CAD: variants seen among roughly 807,000 people sequenced by gnomAD.
CAD encodes multifunctional protein CAD.
Under a neutral mutation model 237.2 loss-of-function variants are expected in CAD, and 81 were observed. The observed-to-expected ratio is 0.34, with a 90% CI of 0.29 to 0.41. The LOEUF (loss-of-function observed/expected upper bound fraction) is 0.41, where lower values mean the gene tolerates loss of function less well. Ranked by LOEUF, CAD falls within the 10% of genes least tolerant of loss-of-function variation. The pLI, the probability that CAD is intolerant of heterozygous loss-of-function variation, is 1.00. For synonymous variants in CAD, 1,196 were observed against 1,162.8 expected, an observed-to-expected ratio of 1.03 and a Z score of -0.58; for missense variants, 2,181 against 2,951.7, an observed-to-expected ratio of 0.74 and a Z score of 6.05.
At chr2:27,231,601 G>A (rs759653218) in intron 16 of CAD, 21 bp downstream of exon 16, 1 of 1,439,804 alleles carries the variant, frequency 6.9e-7, no homozygotes, top group Non-Finnish European at 9.8e-7. Context: ...CCCCTCCCCT[G>A]GCAATACCCC....
chr2:27,239,994 A>C lies in CAD; in HGVS notation c.5496+196A>C. The C allele has an allele frequency of 1.7e-6, 1 of 594,352 alleles. No homozygotes were observed. The highest frequency in any genetic ancestry group is 2.9e-5 in the East Asian group (1 of 34,588). 36.8% of individuals were successfully genotyped at this position (594,352 alleles called of 1,614,324 possible). ...GGTGGCTCACACTTGTAATCCCAGC[A>C]CTTTGGGAGGCCAAGGCAGGCGGAT... On this transcript the variant is annotated intron_variant, in intron 34 of 43. Transcript: ENST00000264705. The surrounding 1 kb of genome is among the most constrained non-coding windows in gnomAD (Gnocchi z 4.0).
chr2:27,239,048 A>G lies in CAD; in HGVS notation c.5069A>G (p.His1690Arg). ...IDCFASDHAP[H>R]TLEEKCGSRP... is the part of the protein sequence containing the mutation. ...ATGGCTTTCTTTCTCCCAGCTCCCCATACCTTGGAGGAGAAGTGTGGGTCC... is the reference window on the plus strand; with the variant it reads ...ATGGCTTTCTTTCTCCCAGCTCCCCGTACCTTGGAGGAGAAGTGTGGGTCC... Residue 1690 changes from histidine (H) to arginine (R), a missense_variant, in exon 32 of 44, where the codon CAT becomes CGT. Physicochemically the swap from His to Arg is conservative, Grantham distance 29 (BLOSUM62 0). Around this residue, in one of 12 missense-constraint regions of CAD, gnomAD observed 478 missense variants for 515.0 expected, o/e 0.93. Transcript: ENST00000264705. The surrounding 1 kb of genome is among the most constrained non-coding windows in gnomAD (Gnocchi z 4.0). 1 of 1,556,034 alleles carries G rather than the reference A, an allele frequency of 6.4e-7. No individual in the cohort carries two copies. The highest frequency in any genetic ancestry group is 2.2e-5 in the East Asian group (1 of 44,518).
Position 27,239,926 on chromosome 2 carries a change from T to C in CAD, c.5496+128T>C. On this transcript the variant is annotated intron_variant, in intron 34 of 43. Transcript: ENST00000264705. This position sits in a 1 kb window ranked among gnomAD's most constrained non-coding sequence, Gnocchi z 4.0. ...TTGAGGGACTGAATTTGAAGTGGGG[T>C]TGGGTCAATTATTTTTTTAAAATGC... 1 of 687,374 alleles carries C rather than the reference T, an allele frequency of 1.5e-6. No homozygotes were observed. Among genetic ancestry groups the C allele is most frequent in the Non-Finnish European group, 2.4e-6 (1 of 422,732 alleles). The allele number at this position is 687,374 out of a possible 1,614,324, so 42.6% of individuals were successfully genotyped here. A position where few individuals can be genotyped will look rare whatever the true frequency, so the allele number is the denominator to read the frequency against.
rs528412757 is a variant in CAD at position 27,242,976 on chromosome 2, G to A, written c.6480+3G>A. 27 of 1,592,260 alleles carry A rather than the reference G, an allele frequency of 1.7e-5. No individual in the cohort carries two copies. In the East Asian group the frequency reaches 5.6e-4, roughly 33 times the overall value. On this transcript the variant is annotated splice_donor_region_variant and intron_variant, in intron 42 of 43. Coordinates refer to ENST00000264705, the MANE Select transcript of CAD (RefSeq NM_004341.5). This position sits in a 1 kb window ranked among gnomAD's most constrained non-coding sequence, Gnocchi z 6.4. The stretch of plus-strand genomic sequence containing the variant: ...GCTCTACCCAGGAGTACGAAGCTGT[G>A]AGTGCTGGGCTTGAGGAAGAAGCCA...
chr2:27,232,324 C>A lies in CAD; in HGVS notation c.2645+100C>A. The A allele has an allele frequency of 6.3e-7, 1 of 1,575,410 alleles. No homozygotes were observed. The highest frequency in any genetic ancestry group is 8.6e-7 in the Non-Finnish European group (1 of 1,160,618). On this transcript the variant is annotated intron_variant, in intron 17 of 43. Transcript: ENST00000264705. This position sits in a 1 kb window ranked among gnomAD's most constrained non-coding sequence, Gnocchi z 4.1. ...AGGGAGGAAGGAGAGTGTGGGAGAG[C>A]TTTAGAGGCTTCTGACCTTGGTTCC...
intron 8 of CAD, 151 bp downstream of exon 8, chr2:27,224,180 G>A: frequency 1.1e-6 from 1 of 914,086 alleles, no homozygotes; most frequent in African/African-American, 1.7e-5. Flanking sequence ...TACCGTTTAA[G>A]CTTCTGTTGA....
At chr2:27,226,086 C>T in intron 12 of CAD, 45 bp from the exon 13 acceptor site, 3 of 1,587,970 alleles carry the variant, frequency 1.9e-6, no homozygotes, top group African/African-American at 1.3e-5. Flanking sequence ...TTCTGCCTCT[C>T]CTGACTCTGC....
At position 27,243,853 on chromosome 2, in the gene CAD, C is replaced by T; in HGVS notation, c.*335C>T. The T allele has an allele frequency of 3.7e-6, 1 of 270,412 alleles. No homozygotes were observed. Among genetic ancestry groups the T allele is most frequent in the Non-Finnish European group, 7.1e-6 (1 of 141,316 alleles). The allele number at this position is 270,412 out of a possible 1,614,324, so 16.8% of individuals were successfully genotyped here. ...GCAGATTCCCAAATTATAAGAGCAG[C>T]CTCACCAGGCAGGGCTCTGGCTAGG... On this transcript the variant is annotated 3_prime_UTR_variant, in exon 44 of 44. Coordinates refer to ENST00000264705, the MANE Select transcript of CAD (RefSeq NM_004341.5).
At chr2:27,218,667 A>C (rs1674997907) in intron 2 of CAD, among the ~76,000 whole-genome samples, 1 of 151,374 alleles carries the variant, frequency 6.6e-6, no homozygotes, top group Non-Finnish European at 1.5e-5. Context: ...CCTCTAGGTG[A>C]GAAAACTGAG....
intron 3 of CAD, among the ~76,000 whole-genome samples, chr2:27,221,563 G>T (rs1206887040): frequency 6.6e-6 from 1 of 152,006 alleles, no homozygotes; most frequent in Non-Finnish European, 1.5e-5. Context: ...TCAGCTTAGG[G>T]CTAATCTTAT....
rs1676116607 is a variant in CAD at position 27,238,179 on chromosome 2, A to G, written c.4852A>G (p.Lys1618Glu). ...RSVHICHVAR[K>E]EEILLIKAAK... is the part of the protein sequence containing the mutation. ...AGTGCACATATGTCACGTGGCACGG[A>G]AGGAGGAGGTAAGAGTACACCTGAG... Residue 1618 changes from lysine (K) to glutamate (E), a missense_variant, in exon 30 of 44, where the codon AAG (lysine) becomes GAG (glutamate). Lys to Glu is a moderately conservative substitution (Grantham distance 56). Coordinates refer to ENST00000264705, the MANE Select transcript of CAD (RefSeq NM_004341.5). 2.5e-6 allele frequency: 4 copies of G among 1,613,988 alleles called. 1 individual carries two copies. The South Asian group carries it at 4.4e-5, about 18-fold the overall frequency.
chr2:27,222,303 T>A lies in CAD; in HGVS notation c.462T>A (p.Asn154Lys). ...EPSSLPFLDPNARPLVPEVSI... is the reference protein window; with the variant it reads ...EPSSLPFLDPKARPLVPEVSI... ...CATCCCTGCCATTCTTGGACCCCAA[T>A]GCCCGCCCCCTGGTACCAGAGGTCT... The change falls in exon 4 of 44, where the codon AAT becomes AAA. Residue 154 changes from asparagine to lysine, a missense_variant. By Grantham distance (94) the Asn-to-Lys change is moderately conservative (BLOSUM62 0). This residue lies in a region of CAD where 314 missense variants were observed against 339.4 expected (regional missense o/e 0.93). Transcript: ENST00000264705. 6.2e-7 allele frequency: 1 copy of A among 1,613,266 alleles called. No homozygotes were observed.
intron 2 of CAD, among the ~76,000 whole-genome samples, chr2:27,218,699 C>T (rs1369374780): frequency 1.3e-5 from 2 of 152,056 alleles, no homozygotes; most frequent in Non-Finnish European, 2.9e-5. Context: ...AGTGAGGTTT[C>T]CCCTATTCCT....
Position 27,232,495 on chromosome 2 carries a change from C to T in CAD, c.2693C>T (p.Pro898Leu), listed in dbSNP as rs752188427. Residue 898 changes from proline (P) to leucine (L), a missense_variant, in exon 18 of 44, where the codon CCA becomes CTA. Coordinates refer to ENST00000264705, the MANE Select transcript of CAD (RefSeq NM_004341.5). This position sits in a 1 kb window ranked among gnomAD's most constrained non-coding sequence, Gnocchi z 4.1. ...RKLRQELGICPAVKQIDTVAA... is the reference protein window; with the variant it reads ...RKLRQELGICLAVKQIDTVAA... ...CTGCGTCAGGAACTGGGGATCTGTCCAGCAGTGAAACAGATTGACACAGTT... is the reference window on the plus strand; with the variant it reads ...CTGCGTCAGGAACTGGGGATCTGTCTAGCAGTGAAACAGATTGACACAGTT... 1 of 1,614,158 alleles carries T rather than the reference C, an allele frequency of 6.2e-7. No individual in the cohort carries two copies. Among genetic ancestry groups the T allele is most frequent in the Admixed American group, 1.7e-5 (1 of 60,022 alleles).
chr2:27,232,755 T>C lies in CAD; in HGVS notation c.2892+61T>C. On this transcript the variant is annotated intron_variant, in intron 18 of 43. Transcript: ENST00000264705. This position sits in a 1 kb window ranked among gnomAD's most constrained non-coding sequence, Gnocchi z 4.1. ...ATTCTGTTCATCTCTAGCAATTGCT[T>C]GGCACTAATCCTGGCATTTCCTATT... 2 of 1,598,322 alleles carry C rather than the reference T, an allele frequency of 1.3e-6. No homozygotes were observed. Among genetic ancestry groups the C allele is most frequent in the Non-Finnish European group, 1.7e-6 (2 of 1,167,048 alleles).
chr2:27,237,952 G>A lies in CAD; in HGVS notation c.4728+70G>A. ...TGGCTTGTGGGCCCCTGCCTAAGTGGGCTGGTAGCAGTGAGGATTCAGGGG... is the reference window on the plus strand; with the variant it reads ...TGGCTTGTGGGCCCCTGCCTAAGTGAGCTGGTAGCAGTGAGGATTCAGGGG... On this transcript the variant is annotated intron_variant, in intron 29 of 43. Coordinates refer to ENST00000264705, the MANE Select transcript of CAD (RefSeq NM_004341.5). This position sits in a 1 kb window ranked among gnomAD's most constrained non-coding sequence, Gnocchi z 4.0. 2 of 1,575,786 alleles carry A rather than the reference G, an allele frequency of 1.3e-6. No homozygotes were observed. Among genetic ancestry groups the A allele is most frequent in the South Asian group, 1.2e-5 (1 of 85,082 alleles).
At position 27,217,527 on chromosome 2, in the gene CAD, GC is replaced by G. The variant is rs1674922338; in HGVS notation, c.-20del. 1.3e-6 allele frequency: 2 copies of G among 1,575,878 alleles called. No homozygotes were observed. The highest frequency in any genetic ancestry group is 1.7e-6 in the Non-Finnish European group (2 of 1,156,864). ...CAGTCCTTCCCGCTTCTCCGTACTC[GC>G]CCCCGCCTCTGAGCTCCCTTCCCAT... On this transcript the variant is annotated 5_prime_UTR_variant, in exon 1 of 44. Coordinates refer to ENST00000264705, the MANE Select transcript of CAD (RefSeq NM_004341.5).
intron 22 of CAD, 129 bp from the exon 23 acceptor site, chr2:27,234,389 C>A: frequency 8.9e-7 from 1 of 1,127,000 alleles, no homozygotes; most frequent in Non-Finnish European, 1.3e-6. Context: ...GGGCTTATGA[C>A]AGTCAGTGAC....
chr2:27,238,409 G>C, intron 30 of CAD, 22 bp from the exon 31 acceptor site: 1 of 1,552,064 alleles, frequency 6.4e-7, no homozygotes, highest in Non-Finnish European at 8.7e-7. Context: ...TGCCTCTTCT[G>C]GATCTTCCCA....
Sources: gnomAD v4.1 joint callset for allele counts (sites outside exome capture counted in the v4.1 genomes callset) on GRCh38, gnomAD v4.1.1 for gene constraint, gnomAD v4.1.1 regional missense constraint, Gnocchi (gnomAD v3.1) non-coding constraint, MANE v1.5 for transcripts, NCBI Gene and HGNC (gene_info 2026-07-23, HGNC 2026-07-21) for gene names.